ADAMTS9: variants seen among roughly 807,000 people sequenced by gnomAD.
ADAMTS9 encodes the protein A disintegrin and metalloproteinase with thrombospondin motifs 9.
A neutral mutation model predicts 257.1 loss-of-function variants in ADAMTS9; 107 were observed. That is an observed-to-expected ratio of 0.42 (90% confidence interval 0.36 to 0.49). ADAMTS9 has a LOEUF of 0.49. Ranked by LOEUF, ADAMTS9 falls within the 20% of genes least tolerant of loss-of-function variation. The pLI is 0.03. For missense variants in ADAMTS9, 2,353 were observed against 2,469.1 expected (o/e 0.95, Z 1.00); for synonymous variants, 982 against 880.9 (o/e 1.11, Z -2.03).
chr3:64,598,939 G>C (rs1027593711), intron 26 of ADAMTS9, among the ~76,000 whole-genome samples: 1 of 152,102 alleles, frequency 6.6e-6, no homozygotes, highest in African/African-American at 2.4e-5. Context: ...ACCTGGTCCA[G>C]TTAAAGATTC....
Position 64,686,533 on chromosome 3 carries a change from C to T in ADAMTS9, c.516+35G>A. 5 of 1,553,864 alleles carry T rather than the reference C, an allele frequency of 3.2e-6. No individual in the cohort carries two copies. The highest frequency in any genetic ancestry group is 4.4e-6 in the Non-Finnish European group (5 of 1,149,008). On this transcript the variant is annotated intron_variant, in intron 2 of 39. Transcript: ENST00000498707. The surrounding 1 kb of genome is among the most constrained non-coding windows in gnomAD (Gnocchi z 4.6). ...AGTCTTCTAGAAGCGGGCGAGGAGGCGGAAGGGGAGAGGAGGTGGCGCGCG... is the reference window on the plus strand; with the variant it reads ...AGTCTTCTAGAAGCGGGCGAGGAGGTGGAAGGGGAGAGGAGGTGGCGCGCG...
intron 9 of ADAMTS9, chr3:64,650,563 C>T (rs962511320): frequency 4.5e-5 from 7 of 156,980 alleles, no homozygotes; most frequent in African/African-American, 1.7e-4. Context: ...GAGAGAATGT[C>T]CTCAACTCAA....
At position 64,673,822 on chromosome 3, in the gene ADAMTS9, A is replaced by T. The variant is rs541838373; in HGVS notation, c.679+7379T>A. On this transcript the variant is annotated intron_variant, in intron 3 of 39. Coordinates refer to ENST00000498707, the MANE Select transcript of ADAMTS9 (RefSeq NM_182920.2). The stretch of plus-strand genomic sequence containing the variant: ...ATCTTGAGTTTGTTTTAATATACTC[A>T]GCATAAAGAAAAATAAGCAAATGTA... Among the ~76,000 whole-genome samples, 12 of 152,260 alleles carry T rather than the reference A, an allele frequency of 7.9e-5. No individual in the cohort carries two copies. The South Asian group carries it at 2.5e-3, about 32-fold the overall frequency.
At chr3:64,675,861 T>C (rs1453413941) in intron 3 of ADAMTS9, among the ~76,000 whole-genome samples, 1 of 152,114 alleles carries the variant, frequency 6.6e-6, no homozygotes, top group Non-Finnish European at 1.5e-5. Flanking sequence ...CATATGATAA[T>C]GTGTGTAAAG....
At chr3:64,570,150 G>A (rs9827529) in intron 28 of ADAMTS9, among the ~76,000 whole-genome samples, 16,188 of 151,992 alleles carry the variant, frequency 0.11, 2,858 homozygotes, top group African/African-American at 0.37. Flanking sequence ...TTATTTATTC[G>A]ACAAACATTT....
chr3:64,545,749 A>C (rs1266580408), intron 32 of ADAMTS9, among the ~76,000 whole-genome samples: 1 of 152,156 alleles, frequency 6.6e-6, no homozygotes, highest in African/African-American at 2.4e-5. Flanking sequence ...CTAGAACTTA[A>C]AGTATAATAA....
intron 32 of ADAMTS9, among the ~76,000 whole-genome samples, chr3:64,544,764 A>G (rs573198696): frequency 1.3e-5 from 2 of 152,294 alleles, no homozygotes; most frequent in East Asian, 3.9e-4. Context: ...ATAGACAAAC[A>G]GGATCTAATT....
chr3:64,529,514 G>T (rs962004192), intron 38 of ADAMTS9, among the ~76,000 whole-genome samples: 3 of 152,186 alleles, frequency 2.0e-5, no homozygotes, highest in African/African-American at 4.8e-5. Context: ...TTGGAAAAGA[G>T]AGTATTATAA....
chr3:64,529,864 G>T (rs1057238941), intron 38 of ADAMTS9, among the ~76,000 whole-genome samples: 1 of 152,106 alleles, frequency 6.6e-6, no homozygotes, highest in African/African-American at 2.4e-5. Context: ...TGTTGCCCAG[G>T]CTGGAGTACA....
intron 39 of ADAMTS9, among the ~76,000 whole-genome samples, chr3:64,517,416 G>GTTTTTTCTTTTTTTTTTT (rs2082789402): frequency 1.9e-5 from 1 of 52,638 alleles, no homozygotes; most frequent in Non-Finnish European, 3.8e-5. Flanking sequence ...ATTAAAAATG[G>GTTTTTTCTTTTTTTTTTT]TTTTTTTTTT....
intron 12 of ADAMTS9, among the ~76,000 whole-genome samples, chr3:64,639,447 C>T (rs1700586047): frequency 3.3e-5 from 5 of 151,940 alleles, no homozygotes. Flanking sequence ...TCCTTTTCTG[C>T]TGAGATCTTT....
At chr3:64,604,142 T>C (rs891204001) in intron 24 of ADAMTS9, 53 bp from the exon 25 acceptor site, 3 of 1,604,602 alleles carry the variant, frequency 1.9e-6, no homozygotes, top group African/African-American at 1.3e-5. Flanking sequence ...GGCTGCTTAC[T>C]GGACAGTAGC....
chr3:64,650,820 ATCT>A, intron 9 of ADAMTS9, 194 bp downstream of exon 9: 1 of 539,064 alleles, frequency 1.9e-6, no homozygotes, highest in Non-Finnish European at 3.1e-6. Context: ...TCAGTCTGTA[ATCT>A]TCTAAACTCT....
Position 64,520,984 on chromosome 3 carries a change from G to A in ADAMTS9, c.*5+1182C>T, listed in dbSNP as rs2082844402. Among the ~76,000 whole-genome samples the A allele has an allele frequency of 2.0e-5, 3 of 151,962 alleles. No homozygotes were observed. In the South Asian group the frequency reaches 6.2e-4, roughly 32 times the overall value. ...ATTAAAGAGCTTCTGCACATCAAAA[G>A]AAACTATCAACAGAATAAATGGACA... On this transcript the variant is annotated intron_variant, in intron 39 of 39. Transcript: ENST00000498707.
intron 3 of ADAMTS9, among the ~76,000 whole-genome samples, chr3:64,674,155 A>C (rs571694394): frequency 5.2e-4 from 79 of 152,244 alleles, no homozygotes; most frequent in African/African-American, 1.8e-3. Flanking sequence ...ATCAAGTTGA[A>C]GAAATAAAGA....
chr3:64,551,891 CT>C (rs1386561869), intron 30 of ADAMTS9, among the ~76,000 whole-genome samples: 3 of 152,214 alleles, frequency 2.0e-5, no homozygotes, highest in African/African-American at 7.2e-5. Flanking sequence ...GAGGGCTTTC[CT>C]TTAGCCCCAG....
chr3:64,518,420 A>G (rs1435592005), intron 39 of ADAMTS9, among the ~76,000 whole-genome samples: 1 of 152,152 alleles, frequency 6.6e-6, no homozygotes, highest in East Asian at 1.9e-4. Context: ...GGTTGAGCTC[A>G]TTCCTTGCAG....
Position 64,533,271 on chromosome 3 carries a change from C to A in ADAMTS9, c.5614-1G>T, listed in dbSNP as rs776329840. ...CATAAAGGTTGATGCTAAAACGACC[C>A]TGGAAAACACGACCAACAAAAGAGA... On this transcript the variant is annotated splice_acceptor_variant, in intron 37 of 39. Coordinates refer to ENST00000498707, the MANE Select transcript of ADAMTS9 (RefSeq NM_182920.2). LOFTEE classifies it high-confidence loss of function. The A allele has an allele frequency of 6.2e-7, 1 of 1,613,118 alleles. No individual in the cohort carries two copies. Among genetic ancestry groups the A allele is most frequent in the Admixed American group, 1.7e-5 (1 of 60,000 alleles).
At chr3:64,662,932 G>T (rs6445423) in intron 3 of ADAMTS9, among the ~76,000 whole-genome samples, 132,740 of 152,212 alleles carry the variant, frequency 0.87, 58,390 homozygotes, top group East Asian at 1. Flanking sequence ...ATAAAACTAT[G>T]GAATAAAATT....
Sources: allele counts gnomAD v4.1 joint callset (sites outside exome capture counted in the v4.1 genomes callset), GRCh38; gene constraint gnomAD v4.1.1; non-coding constraint Gnocchi (gnomAD v3.1); transcripts MANE v1.5; gene names NCBI Gene and HGNC (gene_info 2026-07-23, HGNC 2026-07-21).